ANTXR2: variants seen among roughly 807,000 people sequenced by gnomAD.
ANTXR2 encodes the protein anthrax toxin receptor 2.
Under a neutral mutation model 73.7 loss-of-function variants are expected in ANTXR2, and 44 were observed. That is an observed-to-expected ratio of 0.60 (90% CI 0.47 to 0.77). The LOEUF (loss-of-function observed/expected upper bound fraction) is 0.77. Among genes scored for constraint, ANTXR2 ranks in the 30% least tolerant of loss-of-function variants. The probability of loss-of-function intolerance (pLI) is 0.00; values close to 1 mark genes in which losing one functional copy is unlikely to be tolerated. For synonymous variants in ANTXR2, 217 were observed against 205.9 expected, an observed-to-expected ratio of 1.05 and a Z score of -0.46; for missense variants, 604 against 592.5, an observed-to-expected ratio of 1.02 and a Z score of -0.20.
At chr4:79,988,229 TTATA>T (rs70944756) in intron 12 of ANTXR2, among the ~76,000 whole-genome samples, 1,929 of 67,304 alleles carry the variant, frequency 0.029, 13 homozygotes, top group Middle Eastern at 0.062. Context: ...CACATAAATT[TTATA>T]TATATATATA....
chr4:80,031,290 A>ATG (rs1218083079), intron 10 of ANTXR2, among the ~76,000 whole-genome samples: 1 of 151,646 alleles, frequency 6.6e-6, no homozygotes, highest in African/African-American at 2.4e-5. Flanking sequence ...GTGCGTGTGC[A>ATG]TGTGTGTGTG....
At chr4:79,983,059 C>G (rs1729958202) in intron 14 of ANTXR2, among the ~76,000 whole-genome samples, 1 of 151,928 alleles carries the variant, frequency 6.6e-6, no homozygotes, top group Non-Finnish European at 1.5e-5. Flanking sequence ...AGGAAACGTG[C>G]AACAATGGTA....
intron 10 of ANTXR2, among the ~76,000 whole-genome samples, chr4:80,030,566 T>C (rs989611042): frequency 2.6e-5 from 4 of 152,094 alleles, no homozygotes; most frequent in African/African-American, 9.7e-5. Flanking sequence ...CTCTTAGTTT[T>C]GTAAGCCATC....
chr4:79,983,082 C>A (rs1560937684), intron 14 of ANTXR2, among the ~76,000 whole-genome samples: 1 of 152,014 alleles, frequency 6.6e-6, no homozygotes, highest in Non-Finnish European at 1.5e-5. Flanking sequence ...ATGCATAAAA[C>A]ACATTCTAAT....
intron 3 of ANTXR2, among the ~76,000 whole-genome samples, chr4:80,060,474 T>C (rs1365252719): frequency 6.6e-6 from 1 of 152,226 alleles, no homozygotes; most frequent in East Asian, 1.9e-4. Context: ...GTAAATAGGA[T>C]AATCTCTTAA....
intron 16 of ANTXR2, among the ~76,000 whole-genome samples, chr4:79,946,115 GTGT>G (rs1166037961): frequency 6.6e-6 from 1 of 152,106 alleles, no homozygotes; most frequent in Non-Finnish European, 1.5e-5. Flanking sequence ...CATGAGGTAA[GTGT>G]TGTTATATAA....
intron 16 of ANTXR2, among the ~76,000 whole-genome samples, chr4:79,958,007 T>A (rs1728989313): frequency 6.6e-6 from 1 of 152,096 alleles, no homozygotes; most frequent in African/African-American, 2.4e-5. Context: ...ACACTTCATT[T>A]TCCTATTGCC....
intron 10 of ANTXR2, among the ~76,000 whole-genome samples, chr4:80,020,205 C>A (rs1028305939): frequency 2.0e-5 from 3 of 151,878 alleles, no homozygotes; most frequent in Non-Finnish European, 4.4e-5. Flanking sequence ...CAGTGAGATG[C>A]CCATCTCTAC....
In ANTXR2 at chr4:79,907,400, C is replaced by G. The variant is rs371259027; in HGVS notation, c.*29G>C. The G allele has an allele frequency of 2.0e-5, 32 of 1,607,474 alleles. No individual in the cohort carries two copies. The highest frequency in any genetic ancestry group is 2.7e-5 in the Non-Finnish European group (32 of 1,175,320). On this transcript the variant is annotated 3_prime_UTR_variant, in exon 17 of 17. Transcript: ENST00000403729. ...CAGCTATGTGAAAATGTGCCATCTT[C>G]GTACCTTCTTGGTCTTCCTGCTTCC...
intron 11 of ANTXR2, among the ~76,000 whole-genome samples, chr4:80,011,088 A>C (rs1246128517): frequency 6.6e-6 from 1 of 152,096 alleles, no homozygotes. Context: ...CGGAGGTTGC[A>C]GTGAGCCAAG....
At chr4:79,928,989 C>T (rs1727944336) in intron 16 of ANTXR2, among the ~76,000 whole-genome samples, 1 of 152,172 alleles carries the variant, frequency 6.6e-6, no homozygotes, top group African/African-American at 2.4e-5. Context: ...AATCTTAGCT[C>T]TATGTAATAA....
At chr4:79,979,211 T>C (rs1247496666) in intron 14 of ANTXR2, among the ~76,000 whole-genome samples, 3 of 152,122 alleles carry the variant, frequency 2.0e-5, no homozygotes, top group Admixed American at 6.6e-5. Context: ...TAAATTTGAG[T>C]CAAACTGGGC....
At chr4:79,998,693 C>T (rs1432769322) in intron 12 of ANTXR2, among the ~76,000 whole-genome samples, 1 of 151,924 alleles carries the variant, frequency 6.6e-6, no homozygotes, top group Non-Finnish European at 1.5e-5. Flanking sequence ...CTGATGACGG[C>T]TTTGTTAAAG....
intron 16 of ANTXR2, among the ~76,000 whole-genome samples, chr4:79,919,862 A>ATT (rs750256375): frequency 2.5e-5 from 3 of 121,496 alleles, no homozygotes; most frequent in African/African-American, 9.0e-5. Flanking sequence ...CCTAATACAT[A>ATT]TTTTATATAT....
intron 16 of ANTXR2, among the ~76,000 whole-genome samples, chr4:79,919,920 TAAA>T (rs56403433): frequency 2.7e-4 from 4 of 14,980 alleles, no homozygotes; most frequent in South Asian, 3.5e-3. Flanking sequence ...TATATATATA[TAAA>T]AAATGATAGG....
chr4:80,051,977 T>C (rs1263293922), intron 7 of ANTXR2, among the ~76,000 whole-genome samples: 1 of 151,572 alleles, frequency 6.6e-6, no homozygotes, highest in East Asian at 1.9e-4. Flanking sequence ...GTTGTCAATT[T>C]TTTTCAAGGA....
In ANTXR2 at chr4:80,033,755, A is replaced by T. The variant is rs565798783; in HGVS notation, c.698-185T>A. On this transcript the variant is annotated intron_variant, in intron 8 of 16. Coordinates refer to ENST00000403729, the MANE Select transcript of ANTXR2 (RefSeq NM_058172.6). ...TGGCTTTCCCAGACCCTCTAGGTAAATGTAGTGAAGATACCATTCACTGCC... is the reference window on the plus strand; with the variant it reads ...TGGCTTTCCCAGACCCTCTAGGTAATTGTAGTGAAGATACCATTCACTGCC... Among the ~76,000 whole-genome samples, 21 of 152,162 alleles carry T rather than the reference A, an allele frequency of 1.4e-4. No homozygotes were observed. The South Asian group carries it at 4.1e-3, about 30-fold the overall frequency.
chr4:80,006,087 G>C (rs4690134), intron 12 of ANTXR2, among the ~76,000 whole-genome samples: 73,058 of 151,920 alleles, frequency 0.48, 20,114 homozygotes, highest in East Asian at 0.92. Flanking sequence ...AACTGAATTG[G>C]GAGTCATCAG....
At position 79,919,685 on chromosome 4, in the gene ANTXR2, C is replaced by G. The variant is rs141453798; in HGVS notation, c.1429-12218G>C. Among the ~76,000 whole-genome samples the G allele has an allele frequency of 6.3e-4, 96 of 151,822 alleles. 2 individuals carry two copies. In the East Asian group the frequency reaches 0.015, roughly 24 times the overall value. On this transcript the variant is annotated intron_variant, in intron 16 of 16. Transcript: ENST00000403729. ...TGACCACAGACTAAGGCTGCACTGT[C>G]AGCTTCCCCACTTTTGAGGTTTTGG...
Sources: gnomAD v4.1 joint callset for allele counts (sites outside exome capture counted in the v4.1 genomes callset) on GRCh38, gnomAD v4.1.1 for gene constraint, MANE v1.5 for transcripts, NCBI Gene and HGNC (gene_info 2026-07-23, HGNC 2026-07-21) for gene names.